REV3L: variants seen among roughly 807,000 people sequenced by gnomAD.
REV3L encodes the protein REV3 like, DNA directed polymerase zeta catalytic subunit.
REV3L carries 69 observed loss-of-function variants against 299.4 expected under a neutral mutation model. The ratio of observed to expected loss-of-function variants is 0.23; its 90% confidence interval spans 0.19 to 0.28. REV3L has a LOEUF of 0.28. Ranked by LOEUF, REV3L falls within the 10% of genes least tolerant of loss-of-function variation. The pLI is 1.00. For missense variants in REV3L, 3,128 were observed against 3,693.8 expected (o/e 0.85, Z 3.97); for synonymous variants, 1,238 against 1,271.4 (o/e 0.97, Z 0.56).
intron 1 of REV3L, among the ~76,000 whole-genome samples, chr6:111,474,988 T>TATACTCAC (rs151075609): frequency 6.9e-6 from 1 of 145,844 alleles, no homozygotes; most frequent in African/African-American, 2.6e-5. Context: ...TGCCTATATA[T>TATACTCAC]ACACACACAC....
chr6:111,465,390 T>C (rs973313212), intron 1 of REV3L, among the ~76,000 whole-genome samples: 5 of 151,388 alleles, frequency 3.3e-5, no homozygotes, highest in Non-Finnish European at 5.9e-5. Flanking sequence ...CAAGTTATTG[T>C]AAAAATATAA....
intron 31 of REV3L, 113 bp downstream of exon 31, chr6:111,307,248 T>C: frequency 1.2e-6 from 1 of 845,932 alleles, no homozygotes; most frequent in Non-Finnish European, 2.0e-6. Flanking sequence ...ATTTAGACTC[T>C]TCATTTCACT....
rs76298709 is a variant in REV3L at position 111,432,051 on chromosome 6, A to G, written c.140-15579T>C. ...CATGGTTACCACAATGCAAAAACCT[A>G]TAACAGATTCACTATAACTAAAAAG... On this transcript the variant is annotated intron_variant, in intron 1 of 31. Coordinates refer to ENST00000368802, the MANE Select transcript of REV3L (RefSeq NM_001372078.1). Among the ~76,000 whole-genome samples, 179 of 152,300 alleles carry G rather than the reference A, an allele frequency of 1.2e-3. 4 individuals are homozygous for G. In the East Asian group the frequency reaches 0.026, roughly 22 times the overall value.
chr6:111,331,819 T>C (rs530067666), intron 23 of REV3L, 35 bp from the exon 24 acceptor site: 3 of 1,309,486 alleles, frequency 2.3e-6, no homozygotes, highest in African/African-American at 1.5e-5. Flanking sequence ...AAATACTTCC[T>C]CAAATCATAG....
At chr6:111,361,608 T>A (rs1370840990) in intron 16 of REV3L, 1 of 152,046 alleles carries the variant, frequency 6.6e-6, no homozygotes, top group East Asian at 1.9e-4. Context: ...GGGTATTTTT[T>A]TAAAGCAAAC....
chr6:111,364,947 A>C (rs949056111), intron 15 of REV3L, among the ~76,000 whole-genome samples: 3 of 152,000 alleles, frequency 2.0e-5, no homozygotes, highest in Non-Finnish European at 4.4e-5. Context: ...CACTTACTTG[A>C]GCTCTGCTGT....
At position 111,376,446 on chromosome 6, in the gene REV3L, A is replaced by C. The variant is rs779536904; in HGVS notation, c.1909T>G (p.Ser637Ala). Residue 637 changes from serine (S) to alanine (A), a missense_variant, in exon 13 of 32, where the codon TCA (serine) becomes GCA (alanine). Transcript: ENST00000368802. ...YPGSLSSTVHSENSHKENSKK... is the reference protein window; with the variant it reads ...YPGSLSSTVHAENSHKENSKK... ...CTATTCTCTTTATGAGAATTTTCTG[A>C]ATGAACAGTACTGCTTAAAGATCCA... The C allele has an allele frequency of 1.2e-6, 2 of 1,613,756 alleles. No individual in the cohort carries two copies. The highest frequency in any genetic ancestry group is 1.7e-4 in the Middle Eastern group (1 of 6,056).
chr6:111,365,178 T>G, intron 15 of REV3L, 87 bp downstream of exon 15: 1 of 877,862 alleles, frequency 1.1e-6, no homozygotes, highest in Non-Finnish European at 1.7e-6. Context: ...AATTTTTTAA[T>G]TGAGACAAAG....
chr6:111,380,136 G>A lies in REV3L; in HGVS notation c.1300C>T (p.Pro434Ser). The change falls in exon 11 of 32, where the codon CCA becomes TCA. Residue 434 changes from proline to serine, a missense_variant. Around this residue, in one of 9 missense-constraint regions of REV3L, gnomAD observed 2,409 missense variants for 2,611.8 expected, o/e 0.92. Transcript: ENST00000368802. ...TTTCCAAAGGAGCGACATGGTGATG[G>A]CATCCTATTTCTTTCCCCCCGATAT... ...DGYRGERNRM[P>S]SPCRSFGNNK... is the part of the protein sequence containing the mutation. 1.2e-6 allele frequency: 2 copies of A among 1,613,876 alleles called. No individual in the cohort carries two copies. The highest frequency in any genetic ancestry group is 3.3e-5 in the Admixed American group (2 of 59,990).
At chr6:111,483,289 A>AG (rs1408796377), upstream of REV3L, 1 of 260,340 alleles carries the variant, frequency 3.8e-6, no homozygotes, top group Non-Finnish European at 6.8e-6. Context: ...AGTGCGGGGG[A>AG]GGGGGCTCGG....
chr6:111,313,093 G>A (rs1162360171), intron 28 of REV3L: 2 of 296,154 alleles, frequency 6.8e-6, no homozygotes, highest in East Asian at 5.8e-5. Context: ...AGCTCAGGAG[G>A]TCAAGGCTGC....
intron 26 of REV3L, among the ~76,000 whole-genome samples, chr6:111,316,649 G>C (rs1335067884): frequency 1.4e-5 from 2 of 147,142 alleles, no homozygotes; most frequent in African/African-American, 5.1e-5. Flanking sequence ...CTGGGTGACA[G>C]AGCAAGACTC....
At chr6:111,440,457 T>C (rs764943207) in intron 1 of REV3L, among the ~76,000 whole-genome samples, 1 of 152,212 alleles carries the variant, frequency 6.6e-6, no homozygotes, top group Non-Finnish European at 1.5e-5. Context: ...TTTTGATTAA[T>C]AAAGATGTGT....
At chr6:111,473,778 G>A (rs539745518) in intron 1 of REV3L, among the ~76,000 whole-genome samples, 1 of 152,002 alleles carries the variant, frequency 6.6e-6, no homozygotes, top group East Asian at 1.9e-4. Flanking sequence ...CATGTTTCGG[G>A]GGGAGAGGGG....
intron 1 of REV3L, among the ~76,000 whole-genome samples, chr6:111,438,985 C>A (rs1787924526): frequency 6.6e-6 from 1 of 152,118 alleles, no homozygotes; most frequent in Non-Finnish European, 1.5e-5. Flanking sequence ...ACATTTGCAA[C>A]TATTCTAAAT....
At position 111,313,411 on chromosome 6, in the gene REV3L, C is replaced by G; in HGVS notation, c.8545G>C (p.Val2849Leu). The G allele has an allele frequency of 6.2e-7, 1 of 1,613,502 alleles. No individual in the cohort carries two copies. Among genetic ancestry groups the G allele is most frequent in the Non-Finnish European group, 8.5e-7 (1 of 1,179,796 alleles). ...GTTTCTATTCCTTTTGCATCAAATA[C>G]TGGGTCCTTCTGATCCAGTGTTTCA... The part of the protein sequence containing the change: ...MYETLDQKDP[V>L]FDAKGIETVR... Residue 2849 changes from valine (V) to leucine (L), a missense_variant, in exon 28 of 32, where the codon GTA (valine) becomes CTA (leucine). By Grantham distance (32) the Val-to-Leu change is conservative. Around this residue, in one of 9 missense-constraint regions of REV3L, gnomAD observed 294 missense variants for 377.0 expected, o/e 0.78. Coordinates refer to ENST00000368802, the MANE Select transcript of REV3L (RefSeq NM_001372078.1).
At chr6:111,327,593 G>A (rs566388363) in intron 25 of REV3L, among the ~76,000 whole-genome samples, 146 of 150,024 alleles carry the variant, frequency 9.7e-4, no homozygotes, top group African/African-American at 3.4e-3. Flanking sequence ...TTTTACATTA[G>A]TAATATCATT....
chr6:111,372,843 C>G lies in REV3L; in HGVS notation c.5512G>C (p.Glu1838Gln), dbSNP rs1360967147. Residue 1838 changes from glutamate (E) to glutamine (Q), a missense_variant, in exon 13 of 32, where the codon GAA (glutamate) becomes CAA (glutamine). Physicochemically the swap from Glu to Gln is conservative, Grantham distance 29. Transcript: ENST00000368802. ...ELVDVACEDL[E>Q]LYVSRNNDML... ...TCATTGTTTCTTGAAACATACAGTTCTAAATCTTCACAGGCCACGTCTACA... is the reference window on the plus strand; with the variant it reads ...TCATTGTTTCTTGAAACATACAGTTGTAAATCTTCACAGGCCACGTCTACA... 6.2e-7 allele frequency: 1 copy of G among 1,613,956 alleles called. No individual in the cohort carries two copies. Among genetic ancestry groups the G allele is most frequent in the African/African-American group, 1.3e-5 (1 of 74,932 alleles).
intron 10 of REV3L, among the ~76,000 whole-genome samples, chr6:111,380,469 C>T (rs1182350437): frequency 6.6e-6 from 1 of 152,122 alleles, no homozygotes; most frequent in Non-Finnish European, 1.5e-5. Context: ...CCGTGTTAGC[C>T]AGGATGGTCT....
Sources: allele counts gnomAD v4.1 joint callset (sites outside exome capture counted in the v4.1 genomes callset), GRCh38; gene constraint gnomAD v4.1.1; regional missense constraint gnomAD v4.1.1; transcripts MANE v1.5; gene names NCBI Gene and HGNC (gene_info 2026-07-23, HGNC 2026-07-21).